The following CC2D2A variants were observed in gnomAD, a reference collection of about 807,000 sequenced individuals.
CC2D2A encodes coiled-coil and C2 domain-containing protein 2A.
A neutral mutation model predicts 212.9 loss-of-function variants in CC2D2A; 155 were observed. The ratio of observed to expected loss-of-function variants is 0.73; its 90% confidence interval spans 0.64 to 0.83. CC2D2A has a LOEUF of 0.83. Ranked by LOEUF, CC2D2A falls within the 40% of genes least tolerant of loss-of-function variation. The probability of loss-of-function intolerance (pLI) is 0.00; values close to 1 mark genes in which losing one functional copy is unlikely to be tolerated. For missense variants in CC2D2A, 1,856 were observed against 1,956.2 expected (o/e 0.95, Z 0.97); for synonymous variants, 667 against 686.5 (o/e 0.97, Z 0.44).
At chr4:15,582,974 T>TA (rs1280209288) in intron 30 of CC2D2A, among the ~76,000 whole-genome samples, 4 of 151,970 alleles carry the variant, frequency 2.6e-5, no homozygotes, top group Non-Finnish European at 4.4e-5. Flanking sequence ...AATAATATAT[T>TA]AAAAAAATAA....
intron 4 of CC2D2A, among the ~76,000 whole-genome samples, chr4:15,487,595 A>G (rs765452197): frequency 5.9e-5 from 9 of 151,492 alleles, no homozygotes; most frequent in Non-Finnish European, 2.9e-5. Context: ...AATCTTTTTC[A>G]TCCGTTCAGC....
In CC2D2A at chr4:15,574,135, A is replaced by G; in HGVS notation, c.3595-15A>G. 6.5e-7 allele frequency: 1 copy of G among 1,530,252 alleles called. No homozygotes were observed. Among genetic ancestry groups the G allele is most frequent in the Non-Finnish European group, 8.8e-7 (1 of 1,134,202 alleles). 94.8% of individuals were successfully genotyped at this position (1,530,252 alleles called of 1,614,324 possible). A position where few individuals can be genotyped will look rare whatever the true frequency, so the allele number is the denominator to read the frequency against. On this transcript the variant is annotated splice_polypyrimidine_tract_variant and intron_variant, in intron 28 of 36. Transcript: ENST00000424120. ...AAAGCATCAGGATGTTTACCAAGTC[A>G]TATTTTCTTCACAGATTGATGGAAC...
chr4:15,540,873 C>A lies in CC2D2A; in HGVS notation c.2040C>A (p.Arg680=), dbSNP rs747387967. ...CGAGAAGGGAGGATGTAAAGAAGCG[C>A]TCAGTGTACTTAAAAGTGCTGTTCA... The part of the protein sequence containing the change: ...EVSRREDVKK[R]SVYLKVLFNN... The change falls in exon 17 of 37, where the codon CGC becomes CGA. Residue 680 remains arginine, a synonymous_variant. Coordinates refer to ENST00000424120, the MANE Select transcript of CC2D2A (RefSeq NM_001378615.1). 1.3e-6 allele frequency: 2 copies of A among 1,599,614 alleles called. No individual in the cohort carries two copies. The highest frequency in any genetic ancestry group is 8.5e-7 in the Non-Finnish European group (1 of 1,172,930).
chr4:15,561,319 G>GT (rs1364387402), intron 23 of CC2D2A, among the ~76,000 whole-genome samples: 1 of 152,054 alleles, frequency 6.6e-6, no homozygotes, highest in Non-Finnish European at 1.5e-5. Context: ...TCCTAAAAAG[G>GT]TTTTTTCTAT....
chr4:15,514,425 G>T (rs964061161), intron 8 of CC2D2A, among the ~76,000 whole-genome samples: 8 of 152,178 alleles, frequency 5.3e-5, no homozygotes, highest in Admixed American at 3.3e-4. Context: ...TAGGAGGCCA[G>T]ATTTGTTGGG....
At chr4:15,471,623 G>C (rs560919724) in intron 1 of CC2D2A, among the ~76,000 whole-genome samples, 1 of 136,938 alleles carries the variant, frequency 7.3e-6, no homozygotes, top group East Asian at 2.0e-4. Context: ...TTGCAATGTT[G>C]CAGACAAAAA....
chr4:15,541,069 T>G, intron 17 of CC2D2A, 55 bp downstream of exon 17: 1 of 1,411,086 alleles, frequency 7.1e-7, no homozygotes, highest in Non-Finnish European at 9.4e-7. Flanking sequence ...GCCTGTACTT[T>G]GGGAGGCCAA....
In CC2D2A at chr4:15,585,365, G is replaced by T. The variant is rs1383057710; in HGVS notation, c.3976-792G>T. On this transcript the variant is annotated intron_variant, in intron 30 of 36. Transcript: ENST00000424120. ...GCGACAACATGGGTGAAGCTGGTGGGCATGTTAAGTGAAATAAGCCAGGAC... is the reference window on the plus strand; with the variant it reads ...GCGACAACATGGGTGAAGCTGGTGGTCATGTTAAGTGAAATAAGCCAGGAC... Among the ~76,000 whole-genome samples the T allele has an allele frequency of 2.6e-5, 4 of 152,150 alleles. No individual in the cohort carries two copies. The East Asian group carries it at 5.8e-4, about 22-fold the overall frequency.
chr4:15,590,963 A>G (rs2148489883), intron 33 of CC2D2A, among the ~76,000 whole-genome samples: 1 of 152,150 alleles, frequency 6.6e-6, no homozygotes, highest in African/African-American at 2.4e-5. Context: ...CCTGGCCTCA[A>G]GTGATCCACC....
chr4:15,537,709 T>C (rs938670101), intron 15 of CC2D2A, among the ~76,000 whole-genome samples, 190 bp from the exon 16 acceptor site: 2 of 152,178 alleles, frequency 1.3e-5, no homozygotes, highest in African/African-American at 4.8e-5. Context: ...AGAAATTTCC[T>C]GGGCTCCATT....
chr4:15,471,607 G>GT (rs1713825145), intron 1 of CC2D2A, among the ~76,000 whole-genome samples: 1 of 149,850 alleles, frequency 6.7e-6, no homozygotes, highest in African/African-American at 2.4e-5. Context: ...AAGGTAGGAA[G>GT]TATGATTGCA....
intron 4 of CC2D2A, chr4:15,492,780 T>C: frequency 1.4e-6 from 1 of 695,086 alleles, no homozygotes; most frequent in African/African-American, 1.8e-5. Flanking sequence ...TATAGCCAAA[T>C]TCATTGTCAT....
intron 1 of CC2D2A, among the ~76,000 whole-genome samples, chr4:15,475,125 T>G (rs1714097306): frequency 2.6e-5 from 4 of 152,076 alleles, no homozygotes; most frequent in African/African-American, 9.7e-5. Context: ...AACACAAAAA[T>G]TAGCCGGGCG....
chr4:15,520,415 T>C (rs956687884), intron 11 of CC2D2A, among the ~76,000 whole-genome samples: 4 of 152,176 alleles, frequency 2.6e-5, no homozygotes, highest in Admixed American at 2.0e-4. Context: ...TATCAACTTA[T>C]GCATTTATTG....
At chr4:15,501,029 T>G (rs1196361285) in intron 4 of CC2D2A, among the ~76,000 whole-genome samples, 1 of 152,118 alleles carries the variant, frequency 6.6e-6, no homozygotes, top group Admixed American at 6.6e-5. Flanking sequence ...CCGTCTCGTT[T>G]TTCTTTCTCA....
chr4:15,497,474 T>C (rs1208222426), intron 4 of CC2D2A, among the ~76,000 whole-genome samples: 1 of 152,202 alleles, frequency 6.6e-6, no homozygotes, highest in Non-Finnish European at 1.5e-5. Flanking sequence ...TTTGTCCACC[T>C]CCCCTGCAAT....
At chr4:15,549,330 G>A (rs1468917134) in intron 17 of CC2D2A, among the ~76,000 whole-genome samples, 2 of 152,202 alleles carry the variant, frequency 1.3e-5, no homozygotes, top group Non-Finnish European at 2.9e-5. Context: ...GCTTCCTGCT[G>A]AACTCCTGCC....
chr4:15,599,554 A>T lies in CC2D2A; in HGVS notation c.4522A>T (p.Ile1508Phe). ...GATTGAAAAAATACTAAAAGAAAAAATCATGGACTGGAGGCCACGCCATCT... is the reference window on the plus strand; with the variant it reads ...GATTGAAAAAATACTAAAAGAAAAATTCATGGACTGGAGGCCACGCCATCT... ...DRIEKILKEK[I>F]MDWRPRHLTR... Residue 1508 changes from isoleucine (I) to phenylalanine (F), a missense_variant, in exon 36 of 37, where the codon ATC becomes TTC. Ile to Phe is a conservative substitution (Grantham distance 21). Coordinates refer to ENST00000424120, the MANE Select transcript of CC2D2A (RefSeq NM_001378615.1). 1.3e-6 allele frequency: 2 copies of T among 1,576,116 alleles called. No homozygotes were observed. The highest frequency in any genetic ancestry group is 4.5e-5 in the East Asian group (2 of 44,280).
chr4:15,516,903 A>T (rs925807014), intron 11 of CC2D2A, 147 bp downstream of exon 11: 12 of 586,542 alleles, frequency 2.0e-5, no homozygotes, highest in African/African-American at 2.0e-4. Flanking sequence ...CATCAGGCAT[A>T]TTATGTAAGA....
Sources: gnomAD v4.1 joint callset for allele counts (sites outside exome capture counted in the v4.1 genomes callset) on GRCh38, gnomAD v4.1.1 for gene constraint, MANE v1.5 for transcripts, NCBI Gene and HGNC (gene_info 2026-07-23, HGNC 2026-07-21) for gene names.